Variants in NCEH1 observed in about 807,000 individuals in gnomAD.
NCEH1 encodes the protein neutral cholesterol ester hydrolase 1, also known as 2-acetyl MAGE hydrolase.
NCEH1 carries 9 observed loss-of-function variants against 25.4 expected under a neutral mutation model. The observed-to-expected ratio is 0.35, with a 90% confidence interval of 0.21 to 0.62. The LOEUF is 0.62. Ranked by LOEUF, NCEH1 falls within the 20% of genes least tolerant of loss-of-function variation. The pLI is 0.72. For synonymous variants in NCEH1, 200 were observed against 199.8 expected, an observed-to-expected ratio of 1.00 and a Z score of -0.01; for missense variants, 412 against 501.1, an observed-to-expected ratio of 0.82 and a Z score of 1.70.
At chr3:172,710,626 C>T (rs933645838) in intron 1 of NCEH1, among the ~76,000 whole-genome samples, 3 of 152,194 alleles carry the variant, frequency 2.0e-5, no homozygotes, top group East Asian at 1.9e-4. Context: ...CACTTCTTCC[C>T]CGTCACAAAC....
In NCEH1 at chr3:172,647,893, T is replaced by C; in HGVS notation, c.360A>G (p.Ala120=). Residue 120 remains alanine (A), a synonymous_variant, in exon 2 of 5, where the codon GCA becomes GCG. Coordinates refer to ENST00000475381, the MANE Select transcript of NCEH1 (RefSeq NM_020792.6). The part of the protein sequence containing the change: ...VYIHGGGWAL[A]SAKIRYYDEL... Reference sequence around the variant, plus strand: ...AAGGTGACCAGGACGCACTTGCACTTGCCAAGGCCCAGCCTCCTCCGTGGA... The same window carrying C: ...AAGGTGACCAGGACGCACTTGCACTCGCCAAGGCCCAGCCTCCTCCGTGGA... 1.2e-6 allele frequency: 2 copies of C among 1,614,138 alleles called. No homozygotes were observed. Among genetic ancestry groups the C allele is most frequent in the Non-Finnish European group, 1.7e-6 (2 of 1,180,016 alleles).
intron 1 of NCEH1, among the ~76,000 whole-genome samples, chr3:172,682,211 C>CT (rs1420146183): frequency 6.6e-6 from 1 of 152,128 alleles, no homozygotes; most frequent in Non-Finnish European, 1.5e-5. Context: ...AAACAACATG[C>CT]TTGTGGAGGC....
chr3:172,659,216 G>A lies in NCEH1; in HGVS notation c.139-11102C>T, dbSNP rs993797245. ...GAGAAAGACAAAAACCTTCTTGGAA[G>A]GCTGGGAGGTTTTGCAAAAGCTTTG... is the stretch of plus-strand genomic sequence containing the variant. On this transcript the variant is annotated intron_variant, in intron 1 of 4. Transcript: ENST00000475381. 2.6e-5 allele frequency among the ~76,000 whole-genome samples: 4 copies of A among 152,154 alleles called. 1 individual carries two copies. The highest frequency in any genetic ancestry group is 2.6e-4 in the Admixed American group (4 of 15,274).
intron 1 of NCEH1, among the ~76,000 whole-genome samples, chr3:172,687,062 T>A (rs1712739081): frequency 6.6e-6 from 1 of 152,166 alleles, no homozygotes; most frequent in Non-Finnish European, 1.5e-5. Context: ...ATGGTGAGAA[T>A]TAAAGGGTGG....
At chr3:172,699,537 G>C (rs182845506) in intron 1 of NCEH1, among the ~76,000 whole-genome samples, 1 of 152,176 alleles carries the variant, frequency 6.6e-6, no homozygotes, top group Non-Finnish European at 1.5e-5. Flanking sequence ...CTGAGCATCC[G>C]TCCAGGTTTG....
intron 1 of NCEH1, among the ~76,000 whole-genome samples, chr3:172,651,854 C>T (rs950977059): frequency 2.0e-5 from 3 of 152,246 alleles, no homozygotes; most frequent in African/African-American, 7.2e-5. Flanking sequence ...CCACCGCGCC[C>T]GGCCGAGAAT....
chr3:172,657,693 A>G (rs1379467383), intron 1 of NCEH1, among the ~76,000 whole-genome samples: 1 of 152,186 alleles, frequency 6.6e-6, no homozygotes, highest in Admixed American at 6.5e-5. Context: ...ACTTCTGCTG[A>G]CTTCCTGTTT....
intron 3 of NCEH1, among the ~76,000 whole-genome samples, chr3:172,641,702 C>T (rs766426100): frequency 2.0e-5 from 3 of 152,178 alleles, no homozygotes; most frequent in Non-Finnish European, 4.4e-5. Context: ...TTTCCTCAGT[C>T]GTCCCTCCGT....
chr3:172,683,417 A>AG (rs1712514820), intron 1 of NCEH1, among the ~76,000 whole-genome samples: 1 of 63,508 alleles, frequency 1.6e-5, no homozygotes. Context: ...AAAAAAAAAA[A>AG]AAAAAAAAAA....
chr3:172,665,084 C>T (rs1718145180), intron 1 of NCEH1, among the ~76,000 whole-genome samples: 1 of 152,204 alleles, frequency 6.6e-6, no homozygotes, highest in African/African-American at 2.4e-5. Context: ...GGTTTCTCCC[C>T]ATCTTTGTGA....
chr3:172,687,609 T>C (rs1712771125), intron 1 of NCEH1, among the ~76,000 whole-genome samples: 1 of 151,902 alleles, frequency 6.6e-6, no homozygotes, highest in Non-Finnish European at 1.5e-5. Flanking sequence ...TATCAGGGAG[T>C]AGGGAGTCTT....
intron 1 of NCEH1, among the ~76,000 whole-genome samples, chr3:172,682,132 A>G (rs1712415499): frequency 6.6e-6 from 1 of 152,204 alleles, no homozygotes; most frequent in Non-Finnish European, 1.5e-5. Context: ...GGTGGAGGCC[A>G]TGGCACTACT....
At chr3:172,686,795 G>A (rs930530177) in intron 1 of NCEH1, among the ~76,000 whole-genome samples, 5 of 152,076 alleles carry the variant, frequency 3.3e-5, no homozygotes, top group Non-Finnish European at 7.4e-5. Flanking sequence ...CCAGCTTCCC[G>A]TTTTCTCACT....
intron 1 of NCEH1, among the ~76,000 whole-genome samples, chr3:172,665,175 C>G (rs1183814380): frequency 6.6e-6 from 1 of 152,146 alleles, no homozygotes; most frequent in African/African-American, 2.4e-5. Flanking sequence ...GATGTTGATG[C>G]TATTCCTTTC....
intron 1 of NCEH1, among the ~76,000 whole-genome samples, chr3:172,678,341 A>G (rs1284906179): frequency 2.0e-5 from 3 of 152,238 alleles, no homozygotes; most frequent in African/African-American, 7.2e-5. Context: ...AGGCATTACA[A>G]GACAGGATGG....
chr3:172,646,658 T>C (rs979549801), intron 2 of NCEH1, among the ~76,000 whole-genome samples: 19 of 152,124 alleles, frequency 1.2e-4, no homozygotes, highest in African/African-American at 4.6e-4. Context: ...AGCTTAAGAA[T>C]TACATAGACA....
At position 172,645,667 on chromosome 3, in the gene NCEH1, ACAC is replaced by A; in HGVS notation, c.390_392del (p.Cys131del). The A allele has an allele frequency of 6.3e-7, 1 of 1,599,468 alleles. No individual in the cohort carries two copies. The highest frequency in any genetic ancestry group is 1.1e-5 in the South Asian group (1 of 87,854). ...CATTCAATTCCTCAGCCATTGCTGT[ACAC>A]AGCTCATCATAATACCTGATTTCTA... On this transcript the variant is annotated inframe_deletion, in exon 3 of 5. Transcript: ENST00000475381.
intron 1 of NCEH1, among the ~76,000 whole-genome samples, chr3:172,669,523 G>C (rs1711508097): frequency 6.6e-6 from 1 of 152,144 alleles, no homozygotes; most frequent in Non-Finnish European, 1.5e-5. Context: ...AACAGATTTT[G>C]AAAGATGAAT....
rs1714265016 is a variant in NCEH1, at chr3:172,710,896, G to C, written c.89C>G (p.Pro30Arg). The change falls in exon 1 of 5, where the codon CCC becomes CGC. Residue 30 changes from proline (P) to arginine (R), a missense_variant. By Grantham distance (103) the Pro-to-Arg change is moderately radical. This residue lies in a region of NCEH1 where 178 missense variants were observed against 189.2 expected (regional missense o/e 0.94). Transcript: ENST00000475381. ...GGCGTCCAGCAGCATCAGCTTCCAG[G>C]GGTCGGACACGGAGCCAGGCAGCGG... ...YIPLPGSVSD[P>R]WKLMLLDATF... 3.1e-6 allele frequency: 5 copies of C among 1,614,168 alleles called. No individual in the cohort carries two copies. Among genetic ancestry groups the C allele is most frequent in the Non-Finnish European group, 4.2e-6 (5 of 1,180,038 alleles).
Sources: allele counts gnomAD v4.1 joint callset (sites outside exome capture counted in the v4.1 genomes callset), GRCh38; gene constraint gnomAD v4.1.1; regional missense constraint gnomAD v4.1.1; transcripts MANE v1.5; gene names NCBI Gene and HGNC (gene_info 2026-07-23, HGNC 2026-07-21).